Variants in TEX11 observed in about 807,000 individuals in gnomAD.
The protein encoded by TEX11 is testis-expressed protein 11.
A neutral mutation model predicts 84.4 loss-of-function variants in TEX11; 7 were observed. The observed-to-expected ratio is 0.08, with a 90% CI of 0.05 to 0.16. The LOEUF is 0.16. Among genes scored for constraint, TEX11 ranks in the 10% least tolerant of loss-of-function variants. The pLI is 1.00. For missense variants in TEX11, 551 were observed against 660.5 expected (o/e 0.83, Z 1.82); for synonymous variants, 264 against 222.8 (o/e 1.18, Z -1.64).
intron 24 of TEX11, among the ~76,000 whole-genome samples, chrX:70,599,530 A>G (rs200213971): frequency 9.4e-6 from 1 of 106,733 alleles, no homozygotes; most frequent in Non-Finnish European, 2.0e-5. Context: ...TTTTTTTTTT[A>G]TTATTATACT....
At chrX:70,617,286 A>G (rs965392864) in intron 20 of TEX11, among the ~76,000 whole-genome samples, 2 of 108,213 alleles carry the variant, frequency 1.8e-5, no homozygotes, top group Admixed American at 1.0e-4. Flanking sequence ...GATATAGGTC[A>G]GAAACTCAGA....
intron 11 of TEX11, among the ~76,000 whole-genome samples, chrX:70,730,908 G>A (rs1451809483): frequency 9.0e-6 from 1 of 111,641 alleles, no homozygotes; most frequent in African/African-American, 3.3e-5. Context: ...TGGAAGTAAA[G>A]CACTCCTCAG....
intron 15 of TEX11, among the ~76,000 whole-genome samples, chrX:70,677,745 C>T (rs1362099129): frequency 1.8e-5 from 2 of 109,841 alleles, no homozygotes; most frequent in Admixed American, 1.9e-4. Flanking sequence ...TTGTGCTATA[C>T]CCTGGAAACT....
intron 8 of TEX11, among the ~76,000 whole-genome samples, chrX:70,819,960 G>A (rs1387795293): frequency 9.0e-6 from 1 of 111,576 alleles, no homozygotes; most frequent in African/African-American, 3.3e-5. Context: ...TTCACAGATT[G>A]GAATAATTAA....
chrX:70,644,819 G>A (rs1249112323), intron 17 of TEX11, among the ~76,000 whole-genome samples: 1 of 98,956 alleles, frequency 1.0e-5, no homozygotes, highest in Non-Finnish European at 2.0e-5. Context: ...TATACCTAAT[G>A]CTAGATGAGG....
At position 70,901,185 on chromosome X, in the gene TEX11, G is replaced by A. The variant is rs1227787913; in HGVS notation, c.37+6568C>T. Among the ~76,000 whole-genome samples, 3 of 111,233 alleles carry A rather than the reference G, an allele frequency of 2.7e-5. No individual in the cohort carries two copies. In the East Asian group the frequency reaches 8.4e-4, roughly 31 times the overall value. ...CAGCCTGGCAATAGAGTGAGACCTTGTCTAAATAAATAAATAAATACTTAA... is the reference window on the plus strand; with the variant it reads ...CAGCCTGGCAATAGAGTGAGACCTTATCTAAATAAATAAATAAATACTTAA... On this transcript the variant is annotated intron_variant, in intron 2 of 29. Transcript: ENST00000374333.
intron 17 of TEX11, among the ~76,000 whole-genome samples, chrX:70,639,307 G>A (rs763306567): frequency 4.2e-4 from 47 of 111,978 alleles, no homozygotes; most frequent in Middle Eastern, 9.2e-3. Flanking sequence ...ACAGCAGTCT[G>A]AGATCAAACT....
intron 25 of TEX11, among the ~76,000 whole-genome samples, chrX:70,556,639 A>G (rs1364864717): frequency 8.9e-6 from 1 of 111,748 alleles, no homozygotes; most frequent in Non-Finnish European, 1.9e-5. Flanking sequence ...AATTAGGTCA[A>G]GTTGGCTGAT....
chrX:70,819,426 G>A (rs2091306969), intron 8 of TEX11, among the ~76,000 whole-genome samples: 1 of 110,993 alleles, frequency 9.0e-6, no homozygotes. Flanking sequence ...AGGTATACGA[G>A]GAACATAACT....
chrX:70,515,102 G>C, the TEX11 span, among the ~76,000 whole-genome samples: 2 of 98,781 alleles, frequency 2.0e-5, no homozygotes, highest in Non-Finnish European at 4.3e-5. Flanking sequence ...CACACAGAAA[G>C]AAGGACATTT....
chrX:70,809,822 G>A lies in TEX11; in HGVS notation c.607-3032C>T, dbSNP rs781458634. ...ACCCATTCTCGTGCCTCAGCCACCCGAATAGCCAAAATTACAGGCACCCGC... is the reference window on the plus strand; with the variant it reads ...ACCCATTCTCGTGCCTCAGCCACCCAAATAGCCAAAATTACAGGCACCCGC... On this transcript the variant is annotated intron_variant, in intron 8 of 29. Transcript: ENST00000374333. Among the ~76,000 whole-genome samples, 8 of 110,875 alleles carry A rather than the reference G, an allele frequency of 7.2e-5. No individual in the cohort carries two copies. The South Asian group carries it at 2.3e-3, about 32-fold the overall frequency.
At chrX:70,691,924 T>C (rs1390041478) in intron 13 of TEX11, among the ~76,000 whole-genome samples, 1 of 111,313 alleles carries the variant, frequency 9.0e-6, no homozygotes, top group African/African-American at 3.3e-5. Flanking sequence ...ATATACACAA[T>C]TTTTAATTGT....
chrX:70,858,576 A>G (rs2091550615), intron 5 of TEX11, among the ~76,000 whole-genome samples: 1 of 111,039 alleles, frequency 9.0e-6, no homozygotes. Flanking sequence ...AAGAGATTGA[A>G]CTCTCTTAGT....
At chrX:70,806,217 G>A (rs1008383917) in intron 9 of TEX11, among the ~76,000 whole-genome samples, 24 of 112,160 alleles carry the variant, frequency 2.1e-4, no homozygotes, top group African/African-American at 7.1e-4. Flanking sequence ...CACGTTGAGA[G>A]ACCGAGGCAG....
Position 70,721,025 on chromosome X carries a change from T to C in TEX11, c.1004+1593A>G, listed in dbSNP as rs191043172. Among the ~76,000 whole-genome samples the C allele has an allele frequency of 2.7e-5, 3 of 110,839 alleles. No homozygotes were observed. The East Asian group carries it at 8.4e-4, about 31-fold the overall frequency. On this transcript the variant is annotated intron_variant, in intron 13 of 29. Transcript: ENST00000374333. ...GCTCTGCTCCTTCCTAGCTATGCAA[T>C]TGTGGGCAAATTACTTTTTCTATCT...
rs187899693 is a variant in TEX11 at position 70,833,664 on chromosome X, A to G, written c.526-71T>C. 7 of 837,598 alleles carry G rather than the reference A, an allele frequency of 8.4e-6. No individual in the cohort carries two copies. The African/African-American group carries it at 1.4e-4, about 17-fold the overall frequency. The allele number at this position is 837,598 out of a possible 1,213,427, so 69.0% of individuals were successfully genotyped here. On this transcript the variant is annotated intron_variant, in intron 7 of 29. Coordinates refer to ENST00000374333, the MANE Select transcript of TEX11 (RefSeq NM_031276.3). ...TATTTGTCTCTAAGTCAATTTTAGC[A>G]TATTTTAACTAGTGTTTAAAAGTCT...
rs114644233 is a variant in TEX11, at chrX:70,700,392, C to A, written c.1005-17567G>T. ...GCACTCTATTTGTGTCTCTCTGTCA[C>A]ATTTAAGTAATTCTCGCAATATTTC... is the stretch of plus-strand genomic sequence containing the variant. On this transcript the variant is annotated intron_variant, in intron 13 of 29. Coordinates refer to ENST00000374333, the MANE Select transcript of TEX11 (RefSeq NM_031276.3). Among the ~76,000 whole-genome samples, 148 of 112,036 alleles carry A rather than the reference C, an allele frequency of 1.3e-3. 2 individuals are homozygous for A. Among genetic ancestry groups the A allele is most frequent in the African/African-American group, 4.0e-3 (123 of 30,914 alleles).
rs1193597057 is a variant in TEX11 at position 70,886,994 on chromosome X, A to G, written c.38-6885T>C. On this transcript the variant is annotated intron_variant, in intron 2 of 29. Transcript: ENST00000374333. ...ATGCGCTGGTTCACACCTGAAGCCA[A>G]CACATCTCAGAGTCTCGCCCAAGGC... 2.7e-5 allele frequency among the ~76,000 whole-genome samples: 3 copies of G among 111,768 alleles called. 1 individual carries two copies. Among genetic ancestry groups the G allele is most frequent in the African/African-American group, 9.8e-5 (3 of 30,736 alleles).
intron 8 of TEX11, among the ~76,000 whole-genome samples, chrX:70,824,123 G>A (rs1322940013): frequency 8.9e-6 from 1 of 111,922 alleles, no homozygotes; most frequent in Non-Finnish European, 1.9e-5. Flanking sequence ...TATAAACCTC[G>A]ACAGAATGCA....
Sources: gnomAD v4.1 joint callset for allele counts (sites outside exome capture counted in the v4.1 genomes callset) on GRCh38, gnomAD v4.1.1 for gene constraint, MANE v1.5 for transcripts, NCBI Gene and HGNC (gene_info 2026-07-23, HGNC 2026-07-21) for gene names.